The following CSRNP3 variants were observed in gnomAD, a reference collection of about 807,000 sequenced individuals.
The protein encoded by CSRNP3 is cysteine/serine-rich nuclear protein 3.
Under a neutral mutation model 48.0 loss-of-function variants are expected in CSRNP3, and 12 were observed. That is an observed-to-expected ratio of 0.25 (90% CI 0.16 to 0.41). The LOEUF (loss-of-function observed/expected upper bound fraction) is 0.41, where lower values mean the gene tolerates loss of function less well. CSRNP3 is among the 10% of genes least tolerant of loss of function. The probability of loss-of-function intolerance (pLI) is 1.00; values close to 1 mark genes in which losing one functional copy is unlikely to be tolerated. For synonymous variants in CSRNP3, 263 were observed against 269.7 expected, an observed-to-expected ratio of 0.98 and a Z score of 0.24; for missense variants, 580 against 724.4, an observed-to-expected ratio of 0.80 and a Z score of 2.29.
chr2:165,494,280 A>G (rs1684257625), intron 1 of CSRNP3, among the ~76,000 whole-genome samples: 1 of 152,070 alleles, frequency 6.6e-6, no homozygotes, highest in Non-Finnish European at 1.5e-5. Flanking sequence ...TGATGGACAA[A>G]GAGCCCCAGG....
At chr2:165,564,590 T>C (rs1685274738) in intron 3 of CSRNP3, among the ~76,000 whole-genome samples, 1 of 151,998 alleles carries the variant, frequency 6.6e-6, no homozygotes, top group Non-Finnish European at 1.5e-5. Flanking sequence ...CCTTAAATTT[T>C]TTATATTTCT....
At chr2:165,580,154 T>C (rs1685519522) in intron 3 of CSRNP3, among the ~76,000 whole-genome samples, 1 of 152,064 alleles carries the variant, frequency 6.6e-6, no homozygotes, top group Non-Finnish European at 1.5e-5. Context: ...GGTCTCGATC[T>C]CCTGACCTCG....
chr2:165,573,399 A>G (rs1685401689), intron 3 of CSRNP3, among the ~76,000 whole-genome samples: 2 of 152,214 alleles, frequency 1.3e-5, no homozygotes, highest in South Asian at 4.1e-4. Context: ...TTCTATGTAG[A>G]AAATAACCAC....
At chr2:165,665,409 T>G (rs1472921710) in intron 5 of CSRNP3, among the ~76,000 whole-genome samples, 2 of 152,204 alleles carry the variant, frequency 1.3e-5, no homozygotes, top group Non-Finnish European at 2.9e-5. Context: ...TAAGAAATTC[T>G]GTCAGAGTGA....
At chr2:165,675,494 A>G (rs1363792201) in intron 5 of CSRNP3, among the ~76,000 whole-genome samples, 2 of 152,236 alleles carry the variant, frequency 1.3e-5, no homozygotes, top group African/African-American at 4.8e-5. Flanking sequence ...TGAAGTACTT[A>G]TTCAGGGCTT....
chr2:165,580,635 T>C (rs2105282452), intron 3 of CSRNP3, among the ~76,000 whole-genome samples: 1 of 152,332 alleles, frequency 6.6e-6, no homozygotes, highest in African/African-American at 2.4e-5. Context: ...AAAATGTTTT[T>C]TTAAAGTCCC....
rs576190718 is a variant in CSRNP3, at chr2:165,645,646, G to T, written c.149-12115G>T. 2.0e-4 allele frequency among the ~76,000 whole-genome samples: 30 copies of T among 152,252 alleles called. 1 individual carries two copies. The South Asian group carries it at 6.2e-3, about 32-fold the overall frequency. On this transcript the variant is annotated intron_variant, in intron 4 of 6. Coordinates refer to ENST00000651982, the MANE Select transcript of CSRNP3 (RefSeq NM_001172173.2). ...CTCCCAAATCACTCACTGACAGCCA[G>T]CAAACAGAGGGTACACAAATAAACC...
At position 165,684,828 on chromosome 2, in the gene CSRNP3, C is replaced by G. The variant is rs1340190020; in HGVS notation, c.*5075C>G. 6.6e-6 allele frequency: 1 copy of G among 151,794 alleles called. No homozygotes were observed. Among genetic ancestry groups the G allele is most frequent in the Non-Finnish European group, 1.5e-5 (1 of 67,922 alleles). The allele number at this position is 151,794 out of a possible 1,614,324, so 9.4% of individuals were successfully genotyped here. A position where few individuals can be genotyped will look rare whatever the true frequency, so the allele number is the denominator to read the frequency against. ...ATAAAAGCTTAATAAGTGGTGGTGT[C>G]TTCTAGGAATTATGAAAAAAAAAGC... On this transcript the variant is annotated 3_prime_UTR_variant, in exon 7 of 7. Transcript: ENST00000651982.
At chr2:165,660,997 CT>C (rs1687088331) in intron 5 of CSRNP3, among the ~76,000 whole-genome samples, 1 of 152,148 alleles carries the variant, frequency 6.6e-6, no homozygotes. Context: ...TATGAACCAG[CT>C]TTTTAAAACT....
At chr2:165,550,519 T>G (rs1038954573) in intron 3 of CSRNP3, among the ~76,000 whole-genome samples, 1 of 152,232 alleles carries the variant, frequency 6.6e-6, no homozygotes, top group African/African-American at 2.4e-5. Flanking sequence ...TCTAATTTGC[T>G]TTATGTTTCA....
At chr2:165,500,981 T>G (rs1453836120) in intron 2 of CSRNP3, among the ~76,000 whole-genome samples, 1 of 152,170 alleles carries the variant, frequency 6.6e-6, no homozygotes, top group Non-Finnish European at 1.5e-5. Context: ...CTTCTTGCTC[T>G]GTCAGATCCA....
chr2:165,534,070 T>C (rs965010299), intron 3 of CSRNP3, among the ~76,000 whole-genome samples: 3 of 152,056 alleles, frequency 2.0e-5, no homozygotes, highest in Non-Finnish European at 2.9e-5. Flanking sequence ...AAAAATAAGA[T>C]GTATCCAGTG....
chr2:165,643,843 T>C (rs915130419), intron 4 of CSRNP3, among the ~76,000 whole-genome samples: 6 of 152,224 alleles, frequency 3.9e-5, no homozygotes, highest in African/African-American at 9.6e-5. Context: ...CTGTATATTA[T>C]AAAATTTCAC....
rs572410488 is a variant in CSRNP3 at position 165,596,312 on chromosome 2, G to T, written c.148+1099G>T. On this transcript the variant is annotated intron_variant, in intron 4 of 6. Transcript: ENST00000651982. ...AAAATTTATGTTCCTTAAACAAGAA[G>T]ATTTTAATATGTCTTAATATCATGA... 2.6e-5 allele frequency among the ~76,000 whole-genome samples: 4 copies of T among 152,156 alleles called. No individual in the cohort carries two copies. The East Asian group carries it at 7.7e-4, about 29-fold the overall frequency.
At chr2:165,498,298 C>T (rs752346037) in intron 2 of CSRNP3, among the ~76,000 whole-genome samples, 6 of 152,064 alleles carry the variant, frequency 3.9e-5, no homozygotes, top group Non-Finnish European at 8.8e-5. Context: ...CAGCAGCTAA[C>T]AAATCAAGGG....
In CSRNP3 at chr2:165,680,209, A is replaced by G. The variant is rs1273209166; in HGVS notation, c.*456A>G. The G allele has an allele frequency of 6.4e-6, 1 of 155,638 alleles. No individual in the cohort carries two copies. Among genetic ancestry groups the G allele is most frequent in the Admixed American group, 6.4e-5 (1 of 15,708 alleles). The allele number at this position is 155,638 out of a possible 1,614,324, so 9.6% of individuals were successfully genotyped here. A position where few individuals can be genotyped will look rare whatever the true frequency, so the allele number is the denominator to read the frequency against. On this transcript the variant is annotated 3_prime_UTR_variant, in exon 7 of 7. Transcript: ENST00000651982. ...TGTAAGAAAAAGATTTAATTGTTCC[A>G]TGTGTATTTTATTTATGGTAGTTTA...
intron 3 of CSRNP3, among the ~76,000 whole-genome samples, chr2:165,533,406 C>T (rs938536062): frequency 1.3e-5 from 2 of 152,074 alleles, no homozygotes; most frequent in African/African-American, 4.8e-5. Flanking sequence ...GCCAATCCTC[C>T]ATTTACACTG....
At chr2:165,488,801 G>GT (rs1684159164) in intron 1 of CSRNP3, among the ~76,000 whole-genome samples, 1 of 109,742 alleles carries the variant, frequency 9.1e-6, no homozygotes, top group Admixed American at 9.8e-5. Flanking sequence ...AAAGCAGTGT[G>GT]TAGAGGGAAA....
At chr2:165,500,221 A>G (rs1684337900) in intron 2 of CSRNP3, among the ~76,000 whole-genome samples, 1 of 151,576 alleles carries the variant, frequency 6.6e-6, no homozygotes, top group Admixed American at 6.6e-5. Context: ...GATATGCAAA[A>G]TACGTAAACT....
Sources: allele counts gnomAD v4.1 joint callset (sites outside exome capture counted in the v4.1 genomes callset), GRCh38; gene constraint gnomAD v4.1.1; transcripts MANE v1.5; gene names NCBI Gene and HGNC (gene_info 2026-07-23, HGNC 2026-07-21).